The following ADGRG1 variants were observed in gnomAD, a reference collection of about 807,000 sequenced individuals.
ADGRG1 encodes the protein adhesion G protein-coupled receptor G1.
Under a neutral mutation model 73.5 loss-of-function variants are expected in ADGRG1, and 53 were observed. The observed-to-expected ratio is 0.72, with a 90% confidence interval of 0.58 to 0.91. The LOEUF (loss-of-function observed/expected upper bound fraction) is 0.91. Ranked by LOEUF, ADGRG1 falls within the 40% of genes least tolerant of loss-of-function variation. ADGRG1 has a pLI of 0.00. For synonymous variants in ADGRG1, 394 were observed against 374.4 expected (o/e 1.05, Z -0.60); for missense variants, 795 against 871.8 (o/e 0.91, Z 1.11).
upstream of ADGRG1, chr16:57,626,769 G>C (rs1199292139): frequency 3.0e-6 from 3 of 985,222 alleles, no homozygotes; most frequent in Admixed American, 1.8e-4. Context: ...GGTCCCTGGG[G>C]AACAGCTGAG....
At chr16:57,624,659 C>T (rs2035492202), upstream of ADGRG1, 1 of 918,148 alleles carries the variant, frequency 1.1e-6, no homozygotes, top group Non-Finnish European at 1.3e-6. Flanking sequence ...AAGACCTCCT[C>T]CTAGCCCTCC....
intron 1 of ADGRG1, chr16:57,630,598 C>T (rs1270940011): frequency 1.1e-6 from 1 of 870,804 alleles, no homozygotes; most frequent in Non-Finnish European, 1.4e-6. Context: ...GTGTCCCGGC[C>T]TGGGCCACTG....
At chr16:57,636,763 G>C (rs995061472) in intron 1 of ADGRG1, 23 of 917,496 alleles carry the variant, frequency 2.5e-5, no homozygotes, top group Non-Finnish European at 3.0e-5. Flanking sequence ...CTATGGACCA[G>C]GCACTGTGCT....
At chr16:57,625,487 C>T (rs1253810777), upstream of ADGRG1, 2 of 778,790 alleles carry the variant, frequency 2.6e-6, no homozygotes, top group Non-Finnish European at 3.1e-6. Flanking sequence ...AAAGTCTCCT[C>T]CCCCGCTCTT....
intron 2 of ADGRG1, among the ~76,000 whole-genome samples, chr16:57,622,442 G>A (rs1044378004): frequency 2.2e-4 from 34 of 152,148 alleles, no homozygotes; most frequent in African/African-American, 8.2e-4. Context: ...AGCCACACTC[G>A]GAGGAGGGGC....
upstream of ADGRG1, among the ~76,000 whole-genome samples, chr16:57,626,176 C>T (rs572846812): frequency 3.7e-3 from 559 of 152,234 alleles, 1 homozygote; most frequent in Non-Finnish European, 6.2e-3. Context: ...CCAAGCTGTG[C>T]GACCTTGGCT....
rs544155992 is a variant in ADGRG1, at chr16:57,644,249, C to A, written c.-35-6004C>A. On this transcript the variant is annotated intron_variant, in intron 1 of 13. Transcript: ENST00000562631. ...TCATGCACACACACTCATGCACACA[C>A]ATGCACAGTCATGCACGGGCACACA... 5.6e-6 allele frequency: 5 copies of A among 895,710 alleles called. No individual in the cohort carries two copies. The African/African-American group carries it at 7.3e-5, about 13-fold the overall frequency. The allele number at this position is 895,710 out of a possible 1,614,324, so 55.5% of individuals were successfully genotyped here.
intron 1 of ADGRG1, chr16:57,641,540 G>A (rs2040829863): frequency 2.0e-6 from 2 of 981,694 alleles, no homozygotes; most frequent in Admixed American, 6.2e-5. Flanking sequence ...TAGGTTCTAA[G>A]TCTCTTCAAT....
chr16:57,642,832 A>G (rs1389131885), intron 1 of ADGRG1: 1 of 159,100 alleles, frequency 6.3e-6, no homozygotes, highest in African/African-American at 2.4e-5. Flanking sequence ...GATCTTGGGC[A>G]TTACTTAACC....
chr16:57,644,429 A>G (rs1459976578), intron 1 of ADGRG1, among the ~76,000 whole-genome samples: 1 of 136,084 alleles, frequency 7.3e-6, no homozygotes, highest in East Asian at 2.3e-4. Context: ...CTCGTCACAC[A>G]CTCCTCACAC....
chr16:57,632,804 G>A (rs376445244), intron 1 of ADGRG1: 4 of 985,474 alleles, frequency 4.1e-6, no homozygotes, highest in Non-Finnish European at 4.8e-6. Context: ...CGGTGGACAG[G>A]CCTCTCTGCA....
chr16:57,628,953 AGAGTGTGTGAGTGT>A lies in ADGRG1; in HGVS notation c.-36+163_-36+176del, dbSNP rs1345272211. 17 of 587,278 alleles carry A rather than the reference AGAGTGTGTGAGTGT, an allele frequency of 2.9e-5. 1 individual carries two copies. The highest frequency in any genetic ancestry group is 3.2e-5 in the Non-Finnish European group (16 of 493,862). 36.4% of individuals were successfully genotyped at this position (587,278 alleles called of 1,614,324 possible). A position where few individuals can be genotyped will look rare whatever the true frequency, so the allele number is the denominator to read the frequency against. ...GTGTGAGTGTGAGCGTGAGAGTGTGAGAGTGTGTGAGTGTGAGTGTGTGAGAGTGAGTGAGAATG... is the reference window on the plus strand; with the variant it reads ...GTGTGAGTGTGAGCGTGAGAGTGTGAGAGTGTGTGAGAGTGAGTGAGAATG... On this transcript the variant is annotated intron_variant, in intron 1 of 13. Coordinates refer to ENST00000562631, the MANE Select transcript of ADGRG1 (RefSeq NM_201525.4).
rs747896245 is a variant in ADGRG1, at chr16:57,660,823, C to T, written c.1611C>T (p.Gly537=). Residue 537 remains glycine, a synonymous_variant, in exon 12 of 14, where the codon GGC becomes GGT. Coordinates refer to ENST00000562631, the MANE Select transcript of ADGRG1 (RefSeq NM_201525.4). ...LVALVDVDNY[G]PIILAVHRTP... ...CCCTGGTGGATGTGGACAACTATGG[C>T]CCCATCATCTTGGCTGTGCATAGGA... The T allele has an allele frequency of 1.9e-6, 3 of 1,613,002 alleles. No individual in the cohort carries two copies. The highest frequency in any genetic ancestry group is 2.5e-6 in the Non-Finnish European group (3 of 1,179,016).
At chr16:57,632,237 C>T (rs1260890909) in intron 1 of ADGRG1, 1 of 985,324 alleles carries the variant, frequency 1.0e-6, no homozygotes, top group Non-Finnish European at 1.2e-6. Flanking sequence ...GTGTCTTGAA[C>T]CCTGCCCCTG....
At chr16:57,652,105 G>GAA in intron 3 of ADGRG1, 1 of 1,046,316 alleles carries the variant, frequency 9.6e-7, no homozygotes, top group Admixed American at 4.9e-5. Context: ...GCCAGGATTT[G>GAA]AACCCAGCAG....
At position 57,639,156 on chromosome 16, in the gene ADGRG1, G is replaced by A. The variant is rs145083820; in HGVS notation, c.-36+10354G>A. 473 of 530,474 alleles carry A rather than the reference G, an allele frequency of 8.9e-4. 11 individuals carry two copies. In the East Asian group the frequency reaches 0.049, roughly 55 times the overall value. The allele number at this position is 530,474 out of a possible 1,614,324, so 32.9% of individuals were successfully genotyped here. A position where few individuals can be genotyped will look rare whatever the true frequency, so the allele number is the denominator to read the frequency against. The stretch of plus-strand genomic sequence containing the variant: ...AAAAACCTGGGGCTCTGCCTCTCTC[G>A]AGAAATTGGAAGCTCTGGCTCTTTG... On this transcript the variant is annotated intron_variant, in intron 1 of 13. Transcript: ENST00000562631.
chr16:57,650,223 C>A, intron 1 of ADGRG1, 30 bp from the exon 2 acceptor site: 2 of 1,573,928 alleles, frequency 1.3e-6, no homozygotes, highest in Non-Finnish European at 1.7e-6. Context: ...ACAGTCCACA[C>A]TCCCAGCTAA....
At chr16:57,662,113 A>G (rs2047249948) in intron 13 of ADGRG1, 148 bp downstream of exon 13, 1 of 741,770 alleles carries the variant, frequency 1.3e-6, no homozygotes, top group African/African-American at 1.7e-5. Flanking sequence ...GGCCACAGTC[A>G]ACAAGTCTTG....
intron 1 of ADGRG1, chr16:57,639,469 C>T: frequency 2.0e-6 from 2 of 985,450 alleles, no homozygotes; most frequent in Non-Finnish European, 2.4e-6. Context: ...TATTCCCTGG[C>T]TGTCCCCTTT....
Sources: allele counts gnomAD v4.1 joint callset (sites outside exome capture counted in the v4.1 genomes callset), GRCh38; gene constraint gnomAD v4.1.1; transcripts MANE v1.5; gene names NCBI Gene and HGNC (gene_info 2026-07-23, HGNC 2026-07-21).